FAM83D: variants seen among roughly 807,000 people sequenced by gnomAD.
FAM83D encodes protein FAM83D.
Under a neutral mutation model 25.4 loss-of-function variants are expected in FAM83D, and 26 were observed. The observed-to-expected ratio is 1.02, with a 90% confidence interval of 0.75 to 1.42. FAM83D has a LOEUF of 1.42. FAM83D is among the 40% of genes most tolerant of loss of function. The pLI is 0.00. For synonymous variants in FAM83D, 310 were observed against 318.5 expected (o/e 0.97, Z 0.28); for missense variants, 740 against 758.1 (o/e 0.98, Z 0.28).
intron 2 of FAM83D, among the ~76,000 whole-genome samples, chr20:38,942,633 G>C (rs1014766337): frequency 6.6e-6 from 1 of 152,194 alleles, no homozygotes; most frequent in East Asian, 1.9e-4. Context: ...CCTAGGGCTG[G>C]GGAGTTGGGG....
At position 38,952,756 on chromosome 20, in the gene FAM83D, A is replaced by G. The variant is rs1359620582; in HGVS notation, c.*236A>G. ...TGGATACAGGGGTTTGTTTTGCACA[A>G]TTTTAATAGTCATGCACTACATAAT... is the stretch of plus-strand genomic sequence containing the variant. On this transcript the variant is annotated 3_prime_UTR_variant, in exon 4 of 4. Coordinates refer to ENST00000619850, the MANE Select transcript of FAM83D (RefSeq NM_030919.3). 5.5e-6 allele frequency: 3 copies of G among 549,304 alleles called. No homozygotes were observed. Among genetic ancestry groups the G allele is most frequent in the Admixed American group, 7.2e-5 (2 of 27,696 alleles). 34.0% of individuals were successfully genotyped at this position (549,304 alleles called of 1,614,324 possible).
chr20:38,937,036 C>T (rs751285714), intron 1 of FAM83D, among the ~76,000 whole-genome samples: 3 of 152,178 alleles, frequency 2.0e-5, no homozygotes, highest in African/African-American at 4.8e-5. Flanking sequence ...GACACACATG[C>T]AGCTGCTCCA....
At chr20:38,950,111 G>A (rs925630944) in intron 3 of FAM83D, among the ~76,000 whole-genome samples, 8 of 148,840 alleles carry the variant, frequency 5.4e-5, no homozygotes, top group South Asian at 2.1e-4. Flanking sequence ...ATGAGCCACC[G>A]TGCCCAGCCA....
At chr20:38,940,026 T>TC (rs2085694927) in intron 1 of FAM83D, among the ~76,000 whole-genome samples, 1 of 152,170 alleles carries the variant, frequency 6.6e-6, no homozygotes, top group Admixed American at 6.5e-5. Flanking sequence ...TGCCTTTAAT[T>TC]CCTGTTGTAT....
rs537697212 is a variant in FAM83D, at chr20:38,950,395, G to A, written c.777-1144G>A. 1.6e-3 allele frequency among the ~76,000 whole-genome samples: 239 copies of A among 152,284 alleles called. 3 individuals are homozygous for A. Among genetic ancestry groups the A allele is most frequent in the Middle Eastern group, 3.4e-3 (1 of 294 alleles). On this transcript the variant is annotated intron_variant, in intron 3 of 3. Coordinates refer to ENST00000619850, the MANE Select transcript of FAM83D (RefSeq NM_030919.3). ...ATGAAAGCTTTCTGGGGTACAGGTG[G>A]GTGTGAGTTCTGCTAGCAGAGGAGG...
rs1373295543 is a variant in FAM83D, at chr20:38,941,946, G to GT, written c.484-10dup. The GT allele has an allele frequency of 6.2e-7, 1 of 1,613,256 alleles. No homozygotes were observed. Among genetic ancestry groups the GT allele is most frequent in the African/African-American group, 1.3e-5 (1 of 74,884 alleles). ...ATAAGCTTATCATGTGCTCTTCCCT[G>GT]TTTCACCTGTAGGTGATTGCAGTGG... On this transcript the variant is annotated splice_polypyrimidine_tract_variant and intron_variant, in intron 1 of 3. Transcript: ENST00000619850.
At chr20:38,930,748 A>T (rs548274742) in intron 1 of FAM83D, among the ~76,000 whole-genome samples, 2 of 152,064 alleles carry the variant, frequency 1.3e-5, no homozygotes, top group East Asian at 3.9e-4. Context: ...CCCAGGTTCA[A>T]GCGATTCTCC....
chr20:38,946,197 CAA>C (rs56740383), intron 2 of FAM83D, among the ~76,000 whole-genome samples: 10,370 of 77,544 alleles, frequency 0.13, 79 homozygotes, highest in Middle Eastern at 0.15. Flanking sequence ...GACTCCACCT[CAA>C]AAAAAAAAAA....
chr20:38,938,045 GA>G (rs1478727304), intron 1 of FAM83D, among the ~76,000 whole-genome samples: 2 of 152,114 alleles, frequency 1.3e-5, no homozygotes, highest in African/African-American at 4.8e-5. Context: ...GTCAGGGGAA[GA>G]AAAAAACCTC....
At chr20:38,931,670 C>G (rs2085659276) in intron 1 of FAM83D, among the ~76,000 whole-genome samples, 2 of 152,212 alleles carry the variant, frequency 1.3e-5, no homozygotes. Context: ...GGCTCCTTGA[C>G]CAGAGTATAG....
rs1319893739 is a variant in FAM83D at position 38,926,580 on chromosome 20, C to T, written c.138C>T (p.Ala46=). The T allele has an allele frequency of 1.3e-6, 2 of 1,554,520 alleles. No homozygotes were observed. Among genetic ancestry groups the T allele is most frequent in the Non-Finnish European group, 1.7e-6 (2 of 1,156,918 alleles). Residue 46 remains alanine, a synonymous_variant, in exon 1 of 4, where the codon GCC becomes GCT. Transcript: ENST00000619850. ...AGCTGGTGGCGGGCGGCCCCGAAGC[C>T]TTCGCGGCCTTCCTGCGACGCGAGC... ...LEELVAGGPE[A]FAAFLRRERL...
rs1303801967 is a variant in FAM83D, at chr20:38,926,535, A to ACGG, written c.96_98dup (p.Arg33dup). 1 of 1,588,106 alleles carries ACGG rather than the reference A, an allele frequency of 6.3e-7. No homozygotes were observed. The highest frequency in any genetic ancestry group is 1.7e-5 in the Admixed American group (1 of 58,380). On this transcript the variant is annotated inframe_insertion, in exon 1 of 4. Coordinates refer to ENST00000619850, the MANE Select transcript of FAM83D (RefSeq NM_030919.3). ...ACCCGACCGAGCTGTTCAGCGAGTC[A>ACGG]CGGCGCCTGGCTCTGGAGGAGCTGG...
chr20:38,928,424 G>A lies in FAM83D; in HGVS notation c.483+1499G>A, dbSNP rs62201401. Among the ~76,000 whole-genome samples, 863 of 152,292 alleles carry A rather than the reference G, an allele frequency of 5.7e-3. 5 individuals are homozygous for A. Among genetic ancestry groups the A allele is most frequent in the African/African-American group, 0.019 (806 of 41,548 alleles). On this transcript the variant is annotated intron_variant, in intron 1 of 3. Transcript: ENST00000619850. ...CAGCTAGGCTCTTACCAGCCCTGAGGTGCTTTGGGTGGACTGAGGGTTTTT... is the reference window on the plus strand; with the variant it reads ...CAGCTAGGCTCTTACCAGCCCTGAGATGCTTTGGGTGGACTGAGGGTTTTT...
chr20:38,927,528 A>G (rs1181094541), intron 1 of FAM83D, among the ~76,000 whole-genome samples: 2 of 104,402 alleles, frequency 1.9e-5, no homozygotes. Flanking sequence ...TTTGAGACAG[A>G]TTCTCTTTTG....
intron 1 of FAM83D, among the ~76,000 whole-genome samples, chr20:38,940,305 G>A (rs2085696252): frequency 6.6e-6 from 1 of 152,136 alleles, no homozygotes; most frequent in East Asian, 1.9e-4. Context: ...TGGTGTTTCA[G>A]GGTCTCACAT....
intron 1 of FAM83D, among the ~76,000 whole-genome samples, chr20:38,939,925 A>C (rs1302002322): frequency 6.6e-6 from 1 of 152,032 alleles, no homozygotes; most frequent in Non-Finnish European, 1.5e-5. Flanking sequence ...TGTCTTCCTG[A>C]GGAGGAAACT....
intron 3 of FAM83D, among the ~76,000 whole-genome samples, chr20:38,951,170 C>G (rs879838084): frequency 1.3e-5 from 2 of 152,152 alleles, no homozygotes; most frequent in African/African-American, 4.8e-5. Flanking sequence ...GGTGAGGTGG[C>G]TCACACCTGT....
intron 1 of FAM83D, among the ~76,000 whole-genome samples, chr20:38,929,615 A>T (rs2085650706): frequency 7.4e-6 from 1 of 134,550 alleles, no homozygotes; most frequent in Admixed American, 7.4e-5. Context: ...TCTTTTGTTT[A>T]AAAAAAAAAA....
intron 1 of FAM83D, among the ~76,000 whole-genome samples, chr20:38,936,568 C>G (rs2085680132): frequency 6.6e-6 from 1 of 152,122 alleles, no homozygotes; most frequent in Non-Finnish European, 1.5e-5. Flanking sequence ...TTCTAAGCTT[C>G]CAGTCATGTG....
Sources: allele counts gnomAD v4.1 joint callset (sites outside exome capture counted in the v4.1 genomes callset), GRCh38; gene constraint gnomAD v4.1.1; transcripts MANE v1.5; gene names NCBI Gene and HGNC (gene_info 2026-07-23, HGNC 2026-07-21).